The following KDM4C variants were observed in gnomAD, a reference collection of about 807,000 sequenced individuals.
KDM4C encodes the protein lysine-specific demethylase 4C.
Under a neutral mutation model 129.3 loss-of-function variants are expected in KDM4C, and 81 were observed. The ratio of observed to expected loss-of-function variants is 0.63; its 90% CI spans 0.52 to 0.75. The LOEUF is 0.75. Among genes scored for constraint, KDM4C ranks in the 30% least tolerant of loss-of-function variants. KDM4C has a pLI of 0.00. For synonymous variants in KDM4C, 573 were observed against 456.1 expected (o/e 1.26, Z -3.26); for missense variants, 1,457 against 1,304.0 (o/e 1.12, Z -1.81).
chr9:7,079,096 T>C (rs1834242776), intron 17 of KDM4C, among the ~76,000 whole-genome samples: 1 of 152,224 alleles, frequency 6.6e-6, no homozygotes, highest in Non-Finnish European at 1.5e-5. Context: ...TTCTTATCAA[T>C]GAATGGTGGC....
chr9:6,960,540 T>C (rs4742275), intron 8 of KDM4C, among the ~76,000 whole-genome samples: 66,817 of 151,750 alleles, frequency 0.44, 15,856 homozygotes, highest in East Asian at 0.64. Flanking sequence ...ATTACAGGCA[T>C]GAGTCACTGT....
chr9:6,925,376 T>C lies in KDM4C; in HGVS notation c.921+32144T>C, dbSNP rs1020378452. ...TTGGCGAAGAGAAGCTCAGTTCTCT[T>C]TGTAAATTAAAAGCTTTTTTTCTTT... On this transcript the variant is annotated intron_variant, in intron 8 of 21. Coordinates refer to ENST00000381309, the MANE Select transcript of KDM4C (RefSeq NM_015061.6). 6 of 985,252 alleles carry C rather than the reference T, an allele frequency of 6.1e-6. No individual in the cohort carries two copies. In the African/African-American group the frequency reaches 1.0e-4, roughly 17 times the overall value. 61.0% of individuals were successfully genotyped at this position (985,252 alleles called of 1,614,324 possible).
intron 1 of KDM4C, among the ~76,000 whole-genome samples, chr9:6,746,663 T>G (rs559874707): frequency 2.0e-5 from 3 of 146,856 alleles, no homozygotes; most frequent in Non-Finnish European, 4.5e-5. Flanking sequence ...GAGGATCGCT[T>G]GAGCCCAGGA....
chr9:6,760,464 T>TATATAA (rs993536867), intron 1 of KDM4C, among the ~76,000 whole-genome samples: 2 of 150,264 alleles, frequency 1.3e-5, no homozygotes, highest in African/African-American at 4.9e-5. Context: ...TATATATATA[T>TATATAA]AATGTAATTG....
At chr9:6,828,880 A>G (rs904009609) in intron 4 of KDM4C, among the ~76,000 whole-genome samples, 4 of 152,198 alleles carry the variant, frequency 2.6e-5, no homozygotes, top group African/African-American at 7.2e-5. Context: ...TCAAGAAAAA[A>G]AAAATTGGGT....
intron 8 of KDM4C, among the ~76,000 whole-genome samples, chr9:6,928,245 T>G (rs991354971): frequency 2.6e-5 from 4 of 152,254 alleles, no homozygotes; most frequent in African/African-American, 9.6e-5. Context: ...CAGCCGTTAT[T>G]TCACAGCCTC....
chr9:6,731,935 C>G (rs1436670280), intron 1 of KDM4C, among the ~76,000 whole-genome samples: 1 of 152,136 alleles, frequency 6.6e-6, no homozygotes, highest in Admixed American at 6.6e-5. Flanking sequence ...TGCATGTAAA[C>G]ATTTAAAACC....
chr9:7,095,207 G>A (rs1326334834), intron 17 of KDM4C, among the ~76,000 whole-genome samples: 1 of 152,110 alleles, frequency 6.6e-6, no homozygotes, highest in Non-Finnish European at 1.5e-5. Context: ...GTTCCACCCC[G>A]GTCCTCATAA....
intron 18 of KDM4C, among the ~76,000 whole-genome samples, chr9:7,124,606 C>T (rs577572681): frequency 6.6e-6 from 1 of 152,304 alleles, no homozygotes; most frequent in South Asian, 2.1e-4. Flanking sequence ...GGGGTAAAGT[C>T]GTAAACTGCG....
intron 5 of KDM4C, among the ~76,000 whole-genome samples, chr9:6,859,196 G>C (rs79094468): frequency 1.3e-5 from 2 of 152,126 alleles, no homozygotes; most frequent in Non-Finnish European, 2.9e-5. Context: ...CATCTCTGGT[G>C]GCCGGGTACG....
At chr9:6,770,380 C>A (rs1821518109) in intron 1 of KDM4C, among the ~76,000 whole-genome samples, 1 of 152,062 alleles carries the variant, frequency 6.6e-6, no homozygotes, top group Non-Finnish European at 1.5e-5. Flanking sequence ...GTCAACTTAT[C>A]AGTTTGGATT....
intron 8 of KDM4C, among the ~76,000 whole-genome samples, chr9:6,923,939 C>T (rs1038232260): frequency 6.6e-6 from 1 of 152,106 alleles, no homozygotes; most frequent in Non-Finnish European, 1.5e-5. Context: ...GCTGCTGCAG[C>T]CTTTCAGGTG....
chr9:7,094,602 G>C (rs1437742875), intron 17 of KDM4C, among the ~76,000 whole-genome samples: 1 of 152,168 alleles, frequency 6.6e-6, no homozygotes, highest in African/African-American at 2.4e-5. Context: ...ATGGGCTCTG[G>C]ACTGGACAGC....
chr9:6,992,558 A>C (rs1221957165), intron 12 of KDM4C, among the ~76,000 whole-genome samples: 1 of 152,192 alleles, frequency 6.6e-6, no homozygotes, highest in African/African-American at 2.4e-5. Flanking sequence ...GGCAACAGAG[A>C]ATATTCTGTT....
intron 4 of KDM4C, among the ~76,000 whole-genome samples, chr9:6,844,189 C>T (rs892476365): frequency 6.6e-6 from 1 of 152,052 alleles, no homozygotes; most frequent in Non-Finnish European, 1.5e-5. Context: ...AGTTTTATAA[C>T]GTTGGATTGA....
At chr9:7,058,613 C>T (rs748199884) in intron 17 of KDM4C, among the ~76,000 whole-genome samples, 13 of 152,104 alleles carry the variant, frequency 8.5e-5, no homozygotes, top group Non-Finnish European at 1.8e-4. Context: ...CCATTGTATT[C>T]TCCAATGCCA....
At chr9:7,018,550 C>A (rs1017283130) in intron 15 of KDM4C, among the ~76,000 whole-genome samples, 1 of 152,222 alleles carries the variant, frequency 6.6e-6, no homozygotes, top group Non-Finnish European at 1.5e-5. Context: ...TTATCTCCTT[C>A]GCCCTGAATC....
At chr9:7,073,377 A>T (rs1162961255) in intron 17 of KDM4C, among the ~76,000 whole-genome samples, 2 of 152,202 alleles carry the variant, frequency 1.3e-5, no homozygotes, top group African/African-American at 2.4e-5. Context: ...CTCATGAAGT[A>T]ATTATGACAA....
chr9:6,855,243 G>C (rs776835593), intron 5 of KDM4C, among the ~76,000 whole-genome samples: 2 of 151,938 alleles, frequency 1.3e-5, no homozygotes, highest in Non-Finnish European at 2.9e-5. Flanking sequence ...GGCAGATCAC[G>C]AGGTCAGGAG....
Sources: allele counts gnomAD v4.1 joint callset (sites outside exome capture counted in the v4.1 genomes callset), GRCh38; gene constraint gnomAD v4.1.1; transcripts MANE v1.5; gene names NCBI Gene and HGNC (gene_info 2026-07-23, HGNC 2026-07-21).